Variants in CLVS1 observed in about 807,000 individuals in gnomAD.
The protein encoded by CLVS1 is clavesin 1.
Under a neutral mutation model 33.1 loss-of-function variants are expected in CLVS1, and 10 were observed. That is an observed-to-expected ratio of 0.30 (90% CI 0.19 to 0.51). CLVS1 has a LOEUF of 0.51. Ranked by LOEUF, CLVS1 falls within the 20% of genes least tolerant of loss-of-function variation. The pLI is 0.97. For synonymous variants in CLVS1, 163 were observed against 166.1 expected (o/e 0.98, Z 0.14); for missense variants, 343 against 433.4 (o/e 0.79, Z 1.85).
At chr8:61,005,175 T>C in the CLVS1 span, among the ~76,000 whole-genome samples, 3 of 152,192 alleles carry the variant, frequency 2.0e-5, no homozygotes, top group South Asian at 2.1e-4. Context: ...CATGAGTAGA[T>C]TGCGGATTGA....
At chr8:60,992,703 T>C in the CLVS1 span, among the ~76,000 whole-genome samples, 1 of 152,240 alleles carries the variant, frequency 6.6e-6, no homozygotes, top group Middle Eastern at 3.2e-3. Context: ...CATTTTTTTT[T>C]CCTGAGTAAA....
At chr8:61,443,831 G>A (rs1314298748) in intron 3 of CLVS1, among the ~76,000 whole-genome samples, 1 of 152,030 alleles carries the variant, frequency 6.6e-6, no homozygotes, top group Non-Finnish European at 1.5e-5. Flanking sequence ...ACCAATTTGA[G>A]GGGAATTAAC....
At position 61,119,875 on chromosome 8, in the gene CLVS1, A is replaced by G. The variant is rs1204903038; in HGVS notation, c.-242-11895A>G. 8.3e-5 allele frequency among the ~76,000 whole-genome samples: 11 copies of G among 132,686 alleles called. No individual in the cohort carries two copies. The South Asian group carries it at 2.4e-3, about 28-fold the overall frequency. 87.0% of individuals were successfully genotyped at this position (132,686 alleles called of 152,430 possible). On this transcript the variant is annotated intron_variant, in intron 1 of 2. Coordinates refer to the CLVS1 transcript ENST00000522621. ...CTTGGAGTTGCTCTTCTCGAGGAGTATCTTTGTGGCGTTCTCTGTATTTCC... is the reference window on the plus strand; with the variant it reads ...CTTGGAGTTGCTCTTCTCGAGGAGTGTCTTTGTGGCGTTCTCTGTATTTCC...
intron 2 of CLVS1, among the ~76,000 whole-genome samples, chr8:61,359,290 G>T (rs1039590637): frequency 1.3e-5 from 2 of 152,152 alleles, no homozygotes; most frequent in Admixed American, 1.3e-4. Context: ...GGAGGAGAGA[G>T]AAATTGCTCA....
intron 2 of CLVS1, among the ~76,000 whole-genome samples, chr8:61,308,588 G>T (rs1810722070): frequency 1.3e-5 from 2 of 152,146 alleles, no homozygotes; most frequent in Non-Finnish European, 2.9e-5. Flanking sequence ...GAAATGCTTA[G>T]CATCCCCTCT....
chr8:60,976,623 G>A, the CLVS1 span, among the ~76,000 whole-genome samples: 2 of 152,246 alleles, frequency 1.3e-5, no homozygotes, highest in Non-Finnish European at 2.9e-5. Context: ...GCATCAGCTA[G>A]GAACGGTCTG....
At chr8:61,139,317 C>T (rs1461612245) in intron 2 of CLVS1, among the ~76,000 whole-genome samples, 1 of 152,230 alleles carries the variant, frequency 6.6e-6, no homozygotes, top group Non-Finnish European at 1.5e-5. Context: ...AGCGACTCCC[C>T]CGGGAACCCT....
intron 2 of CLVS1, among the ~76,000 whole-genome samples, chr8:61,180,488 A>G (rs1004068602): frequency 6.6e-6 from 1 of 152,232 alleles, no homozygotes; most frequent in Non-Finnish European, 1.5e-5. Context: ...CACTAATTTT[A>G]TGAAGCCAGC....
intron 2 of CLVS1, among the ~76,000 whole-genome samples, chr8:61,145,963 A>G (rs1806407018): frequency 6.6e-6 from 1 of 152,222 alleles, no homozygotes; most frequent in Non-Finnish European, 1.5e-5. Flanking sequence ...GGTTACTGGA[A>G]GGCTTCAGAT....
intron 1 of CLVS1, among the ~76,000 whole-genome samples, chr8:61,058,980 A>G (rs147077222): frequency 6.6e-6 from 1 of 152,264 alleles, no homozygotes; most frequent in East Asian, 1.9e-4. Flanking sequence ...AGCTTTTAAT[A>G]TTACAAATAG....
At chr8:61,235,680 A>T (rs1808542177) in intron 2 of CLVS1, among the ~76,000 whole-genome samples, 1 of 152,210 alleles carries the variant, frequency 6.6e-6, no homozygotes, top group Non-Finnish European at 1.5e-5. Flanking sequence ...ATATCAAGGA[A>T]GGAAGTCTGC....
chr8:61,084,187 C>T (rs554569205), intron 1 of CLVS1, among the ~76,000 whole-genome samples: 1 of 152,142 alleles, frequency 6.6e-6, no homozygotes, highest in East Asian at 1.9e-4. Flanking sequence ...AAGACTATAT[C>T]GTCCATTAAA....
chr8:61,339,843 A>T (rs1811953757), intron 2 of CLVS1, among the ~76,000 whole-genome samples: 1 of 149,930 alleles, frequency 6.7e-6, no homozygotes, highest in African/African-American at 2.5e-5. Context: ...AAAGGAAGGA[A>T]GGAAGAAAAA....
chr8:61,093,155 T>C (rs116684116), intron 1 of CLVS1, among the ~76,000 whole-genome samples: 1,893 of 152,292 alleles, frequency 0.012, 38 homozygotes, highest in African/African-American at 0.042. Flanking sequence ...TACCTTACTG[T>C]GTATATGACA....
chr8:61,405,666 T>C (rs1814957286), intron 3 of CLVS1, among the ~76,000 whole-genome samples: 1 of 151,934 alleles, frequency 6.6e-6, no homozygotes, highest in Non-Finnish European at 1.5e-5. Flanking sequence ...GTTACTGTGT[T>C]TTACTAATTT....
the CLVS1 span, among the ~76,000 whole-genome samples, chr8:60,979,301 G>A: frequency 3.5e-4 from 54 of 152,182 alleles, no homozygotes; most frequent in Non-Finnish European, 1.5e-5. Context: ...GATGGGGCCT[G>A]CCCTCTGAAT....
chr8:61,237,526 G>A (rs1424778071), intron 2 of CLVS1, among the ~76,000 whole-genome samples: 1 of 152,156 alleles, frequency 6.6e-6, no homozygotes, highest in Non-Finnish European at 1.5e-5. Flanking sequence ...GAGCTGAAAG[G>A]GACCTCAGAG....
chr8:61,463,446 G>A (rs2350576), intron 5 of CLVS1, among the ~76,000 whole-genome samples: 107,168 of 152,086 alleles, frequency 0.7, 42,557 homozygotes, highest in Non-Finnish European at 0.88. Flanking sequence ...CTTTCAGTGT[G>A]CCTTCCTCCC....
rs180766356 is a variant in CLVS1 at position 61,330,500 on chromosome 8, G to A, written c.455+30218G>A. On this transcript the variant is annotated intron_variant, in intron 2 of 5. Transcript: ENST00000325897. ...CTCACTCCTTACCCGGCCTTCCAAT[G>A]TAAGGGACCAGTGTGTGTGCACTAA... 2.1e-3 allele frequency among the ~76,000 whole-genome samples: 322 copies of A among 152,296 alleles called. 4 individuals are homozygous for A. Among genetic ancestry groups the A allele is most frequent in the African/African-American group, 7.0e-3 (290 of 41,550 alleles).
Sources: allele counts gnomAD v4.1 joint callset (sites outside exome capture counted in the v4.1 genomes callset), GRCh38; gene constraint gnomAD v4.1.1; transcripts MANE v1.5; gene names NCBI Gene and HGNC (gene_info 2026-07-23, HGNC 2026-07-21).